SH3BP5: variants seen among roughly 807,000 people sequenced by gnomAD.
The protein encoded by SH3BP5 is SH3 domain-binding protein 5.
SH3BP5 carries 22 observed loss-of-function variants against 43.3 expected under a neutral mutation model. The observed-to-expected ratio is 0.51, with a 90% CI of 0.36 to 0.73. The LOEUF is 0.73. Ranked by LOEUF, SH3BP5 falls within the 30% of genes least tolerant of loss-of-function variation. The pLI is 0.00. For missense variants in SH3BP5, 529 were observed against 586.9 expected (o/e 0.90, Z 1.02); for synonymous variants, 255 against 225.8 (o/e 1.13, Z -1.16).
chr3:15,335,894 T>C (rs1698695739), upstream of SH3BP5, among the ~76,000 whole-genome samples: 1 of 152,202 alleles, frequency 6.6e-6, no homozygotes, highest in Non-Finnish European at 1.5e-5. Flanking sequence ...CAAAGGAATG[T>C]TAGTTTCTCA....
intron 3 of SH3BP5, among the ~76,000 whole-genome samples, chr3:15,296,368 A>ACC (rs1553616963): frequency 4.3e-4 from 64 of 150,488 alleles, no homozygotes; most frequent in African/African-American, 1.5e-3. Context: ...ACACACACAC[A>ACC]CCCCTATCCA....
At chr3:15,258,782 TCA>T (rs752931947) in intron 7 of SH3BP5, 47 bp downstream of exon 7, 17 of 1,516,322 alleles carry the variant, frequency 1.1e-5, no homozygotes, top group Admixed American at 3.4e-5. Context: ...GGGAAACAAA[TCA>T]CACAGTCTGA....
intron 2 of SH3BP5, among the ~76,000 whole-genome samples, chr3:15,321,290 G>A (rs1304471228): frequency 1.3e-5 from 2 of 151,912 alleles, no homozygotes; most frequent in Admixed American, 1.3e-4. Context: ...TATATATGAC[G>A]GTTTCTTGGC....
chr3:15,298,487 T>C (rs1358939583), intron 3 of SH3BP5, among the ~76,000 whole-genome samples: 1 of 152,216 alleles, frequency 6.6e-6, no homozygotes, highest in East Asian at 1.9e-4. Context: ...CCGCACTATT[T>C]TGCATTTGTG....
At chr3:15,313,781 C>G (rs577800934) in intron 2 of SH3BP5, among the ~76,000 whole-genome samples, 2 of 152,304 alleles carry the variant, frequency 1.3e-5, no homozygotes, top group South Asian at 4.1e-4. Context: ...TGAAATGTGG[C>G]TGGTGCAACT....
At chr3:15,285,190 C>T (rs1471486656) in intron 3 of SH3BP5, among the ~76,000 whole-genome samples, 3 of 152,160 alleles carry the variant, frequency 2.0e-5, no homozygotes, top group Non-Finnish European at 4.4e-5. Context: ...CCACAAACAA[C>T]TCCCTTATGA....
chr3:15,340,984 G>A (rs899127425), intron 1 of SH3BP5, among the ~76,000 whole-genome samples: 4 of 152,204 alleles, frequency 2.6e-5, no homozygotes, highest in African/African-American at 9.6e-5. Flanking sequence ...CCCGGGAGGC[G>A]GAGGTTGTGA....
rs1041595510 is a variant in SH3BP5 at position 15,311,679 on chromosome 3, G to GT, written c.202-7449dup. On this transcript the variant is annotated intron_variant, in intron 2 of 8. Transcript: ENST00000383791. ...TAAGCAGACATCTTCAGTATTTTTT[G>GT]TTTTTTGTTTTTTGAGACAGGATCT... 3.6e-4 allele frequency among the ~76,000 whole-genome samples: 52 copies of GT among 146,374 alleles called. 1 individual carries two copies. The highest frequency in any genetic ancestry group is 1.4e-3 in the African/African-American group (50 of 36,296).
upstream of SH3BP5, among the ~76,000 whole-genome samples, chr3:15,335,084 C>T (rs1327515093): frequency 6.6e-6 from 1 of 151,972 alleles, no homozygotes; most frequent in Admixed American, 6.6e-5. Flanking sequence ...TGAGACCAGC[C>T]TGGACAACAA....
chr3:15,309,522 G>A (rs1697996110), intron 2 of SH3BP5, among the ~76,000 whole-genome samples: 2 of 152,136 alleles, frequency 1.3e-5, no homozygotes, highest in African/African-American at 4.8e-5. Flanking sequence ...GGGACTACAG[G>A]TGTACAACAC....
At chr3:15,285,385 T>C (rs1033166336) in intron 3 of SH3BP5, among the ~76,000 whole-genome samples, 6 of 152,150 alleles carry the variant, frequency 3.9e-5, no homozygotes, top group African/African-American at 1.4e-4. Context: ...ATCTAACTCA[T>C]TCCCCGCTCC....
At chr3:15,280,006 C>T (rs1697076270) in intron 3 of SH3BP5, among the ~76,000 whole-genome samples, 1 of 152,174 alleles carries the variant, frequency 6.6e-6, no homozygotes, top group South Asian at 2.1e-4. Flanking sequence ...GGAGGATGGT[C>T]TTGGGCCTTA....
At chr3:15,300,372 G>A (rs1411379458) in intron 3 of SH3BP5, among the ~76,000 whole-genome samples, 9 of 152,180 alleles carry the variant, frequency 5.9e-5, no homozygotes, top group Non-Finnish European at 1.2e-4. Flanking sequence ...TCATGAATGA[G>A]GATGCAGGGA....
chr3:15,262,669 C>T (rs1040223535), intron 4 of SH3BP5, among the ~76,000 whole-genome samples: 2 of 150,830 alleles, frequency 1.3e-5, no homozygotes, highest in Non-Finnish European at 3.0e-5. Context: ...AATAAAAATA[C>T]TCTTTGGGCC....
At chr3:15,256,634 AGGACC>A (rs1338871906) in intron 8 of SH3BP5, 1 of 608,652 alleles carries the variant, frequency 1.6e-6, no homozygotes, top group East Asian at 2.8e-5. Flanking sequence ...TGTGAGACAT[AGGACC>A]TAAGCTCTAC....
intron 2 of SH3BP5, among the ~76,000 whole-genome samples, chr3:15,317,842 G>A (rs1174496117): frequency 6.6e-6 from 1 of 152,168 alleles, no homozygotes; most frequent in Non-Finnish European, 1.5e-5. Context: ...GGGAGATAAA[G>A]ATCCTCTCCC....
chr3:15,306,001 GCA>G (rs759323092), intron 2 of SH3BP5, among the ~76,000 whole-genome samples: 4 of 150,224 alleles, frequency 2.7e-5, no homozygotes, highest in Non-Finnish European at 4.4e-5. Context: ...TCTCCCTCAG[GCA>G]TCTGCCTGAC....
intron 3 of SH3BP5, chr3:15,273,034 G>C: frequency 1.5e-6 from 1 of 685,258 alleles, no homozygotes; most frequent in Non-Finnish European, 1.8e-6. Context: ...CGCAGGCCAA[G>C]CTGCTGGGAA....
chr3:15,263,938 G>T (rs919633219), intron 4 of SH3BP5, among the ~76,000 whole-genome samples: 1 of 152,154 alleles, frequency 6.6e-6, no homozygotes, highest in East Asian at 1.9e-4. Flanking sequence ...AGCCCAGAGG[G>T]CTCATGGTCA....
Sources: allele counts gnomAD v4.1 joint callset (sites outside exome capture counted in the v4.1 genomes callset), GRCh38; gene constraint gnomAD v4.1.1; transcripts MANE v1.5; gene names NCBI Gene and HGNC (gene_info 2026-07-23, HGNC 2026-07-21).